The following RBM34 variants were observed in gnomAD, a reference collection of about 807,000 sequenced individuals.
RBM34 encodes RNA-binding protein 34.
A neutral mutation model predicts 44.6 loss-of-function variants in RBM34; 39 were observed. The observed-to-expected ratio is 0.87, with a 90% CI of 0.68 to 1.14. RBM34 has a LOEUF of 1.14. RBM34 is among the 50% of genes most tolerant of loss of function. The probability of loss-of-function intolerance (pLI) is 0.00; values close to 1 mark genes in which losing one functional copy is unlikely to be tolerated. For synonymous variants in RBM34, 194 were observed against 184.0 expected (o/e 1.05, Z -0.44); for missense variants, 572 against 517.9 (o/e 1.10, Z -1.01).
intron 6 of RBM34, among the ~76,000 whole-genome samples, chr1:235,144,312 A>G (rs1246224372): frequency 6.6e-6 from 1 of 152,166 alleles, no homozygotes; most frequent in African/African-American, 2.4e-5. Flanking sequence ...AGAGACAGAA[A>G]GCAAATGAAT....
At chr1:235,146,643 C>G (rs921003445) in intron 6 of RBM34, among the ~76,000 whole-genome samples, 1 of 152,112 alleles carries the variant, frequency 6.6e-6, no homozygotes, top group Middle Eastern at 3.2e-3. Flanking sequence ...TATTTTGAGA[C>G]AGAGTCTAGC....
chr1:235,135,591 A>G (rs970434302), intron 10 of RBM34, 61 bp downstream of exon 10: 4 of 1,318,622 alleles, frequency 3.0e-6, no homozygotes, highest in Non-Finnish European at 4.4e-6. Context: ...ATGACATGCA[A>G]CAGTGTCAAT....
intron 8 of RBM34, among the ~76,000 whole-genome samples, chr1:235,136,338 C>T (rs1661429722): frequency 6.6e-6 from 1 of 152,302 alleles, no homozygotes; most frequent in South Asian, 2.1e-4. Flanking sequence ...TGGGAGCATG[C>T]CAACTTTTTC....
intron 10 of RBM34, among the ~76,000 whole-genome samples, chr1:235,134,092 G>A (rs1661316645): frequency 6.6e-6 from 1 of 152,088 alleles, no homozygotes; most frequent in East Asian, 1.9e-4. Flanking sequence ...AGGTTGGGTG[G>A]CTCACTGCAG....
chr1:235,149,111 G>A (rs76666820), intron 5 of RBM34, among the ~76,000 whole-genome samples: 4,725 of 151,802 alleles, frequency 0.031, 246 homozygotes, highest in African/African-American at 0.11. Flanking sequence ...GGAAAAGGCC[G>A]GGCGCGGTGG....
At chr1:235,141,262 C>T (rs1197183399) in intron 6 of RBM34, among the ~76,000 whole-genome samples, 1 of 151,456 alleles carries the variant, frequency 6.6e-6, no homozygotes, top group Non-Finnish European at 1.5e-5. Context: ...CCAATCGGCA[C>T]TCTGTATCTA....
At position 235,160,492 on chromosome 1, in the gene RBM34, A is replaced by G. The variant is rs1436089689; in HGVS notation, c.365+19T>C. 1.2e-6 allele frequency: 2 copies of G among 1,603,144 alleles called. No homozygotes were observed. Among genetic ancestry groups the G allele is most frequent in the East Asian group, 4.5e-5 (2 of 44,804 alleles). ...TACCATCTAATTTCTTTAACATCAA[A>G]TAAGAGAATTTTACCAACCTGTCTG... On this transcript the variant is annotated intron_variant, in intron 3 of 10. Coordinates refer to ENST00000408888, the MANE Select transcript of RBM34 (RefSeq NM_015014.4).
Position 235,161,087 on chromosome 1 carries a change from A to C in RBM34, c.54-20T>G, listed in dbSNP as rs775290691. The C allele has an allele frequency of 6.2e-7, 1 of 1,609,388 alleles. No individual in the cohort carries two copies. The highest frequency in any genetic ancestry group is 1.1e-5 in the South Asian group (1 of 90,986). On this transcript the variant is annotated intron_variant, in intron 1 of 10. Coordinates refer to ENST00000408888, the MANE Select transcript of RBM34 (RefSeq NM_015014.4). ...TTCTCTCTAGAAATGGACGACAGAA[A>C]CTCAGCCACGCCACGCACCACCGCT... is the stretch of plus-strand genomic sequence containing the variant.
intron 4 of RBM34, among the ~76,000 whole-genome samples, chr1:235,154,391 G>C (rs1401713396): frequency 6.8e-6 from 1 of 147,802 alleles, no homozygotes; most frequent in African/African-American, 2.5e-5. Flanking sequence ...GGGCAACATA[G>C]TCACAAAAAA....
intron 10 of RBM34, among the ~76,000 whole-genome samples, chr1:235,135,012 G>A (rs1661357218): frequency 6.6e-6 from 1 of 151,618 alleles, no homozygotes; most frequent in African/African-American, 2.4e-5. Flanking sequence ...CCAAAGTGCT[G>A]GGATTACAGG....
intron 10 of RBM34, among the ~76,000 whole-genome samples, chr1:235,134,797 T>C (rs1572141118): frequency 6.7e-6 from 1 of 149,452 alleles, no homozygotes; most frequent in Non-Finnish European, 1.5e-5. Context: ...CAGGCTGGAG[T>C]GCAATGGAGC....
At chr1:235,136,643 T>C (rs1027483383) in intron 8 of RBM34, among the ~76,000 whole-genome samples, 1 of 152,240 alleles carries the variant, frequency 6.6e-6, no homozygotes, top group Non-Finnish European at 1.5e-5. Context: ...ATGCACTCTA[T>C]GTTTCTGTGG....
At chr1:235,141,854 C>A (rs1199558075) in intron 6 of RBM34, among the ~76,000 whole-genome samples, 2 of 152,142 alleles carry the variant, frequency 1.3e-5, no homozygotes, top group Non-Finnish European at 1.5e-5. Flanking sequence ...AAACTCCGAA[C>A]AAATCCGAAC....
At chr1:235,136,975 C>A (rs1661456551) in intron 8 of RBM34, among the ~76,000 whole-genome samples, 1 of 152,174 alleles carries the variant, frequency 6.6e-6, no homozygotes, top group South Asian at 2.1e-4. Flanking sequence ...TCTACATAAG[C>A]CTTCTCTTCT....
At chr1:235,158,883 G>A (rs1366954386) in intron 3 of RBM34, among the ~76,000 whole-genome samples, 3 of 151,192 alleles carry the variant, frequency 2.0e-5, no homozygotes, top group Admixed American at 6.6e-5. Context: ...TTGGGGAGAC[G>A]GAGGTAGGAG....
intron 4 of RBM34, 104 bp from the exon 5 acceptor site, chr1:235,152,869 G>T: frequency 1.1e-6 from 1 of 886,192 alleles, no homozygotes. Context: ...CTACTGCCAG[G>T]CTTTTTTTTT....
chr1:235,140,013 A>G (rs1661606966), intron 6 of RBM34, among the ~76,000 whole-genome samples: 1 of 152,218 alleles, frequency 6.6e-6, no homozygotes, highest in Admixed American at 6.5e-5. Flanking sequence ...CTCCCTGGGA[A>G]AGGCTGAGAT....
intron 6 of RBM34, among the ~76,000 whole-genome samples, chr1:235,142,730 C>T (rs1478106053): frequency 6.6e-6 from 1 of 151,070 alleles, no homozygotes; most frequent in Non-Finnish European, 1.5e-5. Flanking sequence ...GAGTTCGAAA[C>T]CAGCCTGGCC....
intron 3 of RBM34, 84 bp from the exon 4 acceptor site, chr1:235,155,196 G>A (rs375410264): frequency 4.8e-6 from 5 of 1,051,900 alleles, no homozygotes; most frequent in African/African-American, 1.6e-5. Context: ...CTACCCTCCC[G>A]ACTAGAAATA....
Sources: gnomAD v4.1 joint callset for allele counts (sites outside exome capture counted in the v4.1 genomes callset) on GRCh38, gnomAD v4.1.1 for gene constraint, MANE v1.5 for transcripts, NCBI Gene and HGNC (gene_info 2026-07-23, HGNC 2026-07-21) for gene names.